Variants in RELN observed in about 807,000 individuals in gnomAD.
The protein encoded by RELN is reelin.
Under a neutral mutation model 427.6 loss-of-function variants are expected in RELN, and 108 were observed. The observed-to-expected ratio is 0.25, with a 90% confidence interval of 0.22 to 0.30. The LOEUF (loss-of-function observed/expected upper bound fraction) is 0.30. Among genes scored for constraint, RELN ranks in the 10% least tolerant of loss-of-function variants. RELN has a pLI of 1.00. For missense variants in RELN, 3,715 were observed against 4,302.8 expected, an observed-to-expected ratio of 0.86 and a Z score of 3.82; for synonymous variants, 1,524 against 1,513.4, an observed-to-expected ratio of 1.01 and a Z score of -0.16.
At chr7:103,554,683 T>C (rs967519424) in intron 38 of RELN, among the ~76,000 whole-genome samples, 2 of 152,136 alleles carry the variant, frequency 1.3e-5, no homozygotes, top group African/African-American at 4.8e-5. Flanking sequence ...GTATATAATG[T>C]ATGTGAAAGC....
intron 2 of RELN, among the ~76,000 whole-genome samples, chr7:103,893,418 T>C (rs901484862): frequency 3.9e-5 from 6 of 152,196 alleles, no homozygotes; most frequent in Non-Finnish European, 2.9e-5. Context: ...CAAAACTGCA[T>C]TGGAATATGA....
At chr7:103,681,803 A>C (rs1202783304) in intron 11 of RELN, among the ~76,000 whole-genome samples, 2 of 152,350 alleles carry the variant, frequency 1.3e-5, no homozygotes, top group Admixed American at 6.5e-5. Context: ...ATAGTAATGG[A>C]AAGATTTTGT....
chr7:103,692,230 T>C (rs1347591266), intron 10 of RELN, among the ~76,000 whole-genome samples: 1 of 152,154 alleles, frequency 6.6e-6, no homozygotes, highest in African/African-American at 2.4e-5. Flanking sequence ...CACAAAAATG[T>C]TGTATTCATT....
At chr7:103,973,493 T>C (rs1255388330) in intron 1 of RELN, among the ~76,000 whole-genome samples, 4 of 152,006 alleles carry the variant, frequency 2.6e-5, no homozygotes, top group Admixed American at 2.0e-4. Flanking sequence ...TTCATAAATA[T>C]ATTAACACAA....
intron 3 of RELN, among the ~76,000 whole-genome samples, chr7:103,828,158 CCAGA>C (rs1411688895): frequency 1.3e-5 from 2 of 151,962 alleles, no homozygotes; most frequent in Non-Finnish European, 2.9e-5. Context: ...GAAGAATTCT[CCAGA>C]CAGTCTAGAA....
chr7:103,826,657 T>G (rs1793148506), intron 3 of RELN, among the ~76,000 whole-genome samples: 1 of 152,044 alleles, frequency 6.6e-6, no homozygotes, highest in African/African-American at 2.4e-5. Flanking sequence ...AATTTCACAC[T>G]TCTAAAACTG....
At chr7:103,819,177 G>A (rs989155145) in intron 3 of RELN, among the ~76,000 whole-genome samples, 1 of 151,778 alleles carries the variant, frequency 6.6e-6, no homozygotes, top group Non-Finnish European at 1.5e-5. Context: ...AGGTAAAATT[G>A]TATTAAAACT....
intron 22 of RELN, among the ~76,000 whole-genome samples, chr7:103,608,994 G>A (rs537189013): frequency 1.3e-5 from 2 of 152,144 alleles, no homozygotes; most frequent in East Asian, 3.9e-4. Flanking sequence ...AGGTCAAGGT[G>A]GGTGGATCAC....
At chr7:103,835,954 C>CTTTTTTTTTTTTT (rs10569884) in intron 2 of RELN, among the ~76,000 whole-genome samples, 8 of 142,394 alleles carry the variant, frequency 5.6e-5, no homozygotes, top group Admixed American at 1.4e-4. Context: ...CTCAATTACC[C>CTTTTTTTTTTTTT]TTTTTTTTTT....
intron 64 of RELN, among the ~76,000 whole-genome samples, chr7:103,477,781 A>G (rs1828087290): frequency 6.6e-6 from 1 of 152,228 alleles, no homozygotes; most frequent in African/African-American, 2.4e-5. Flanking sequence ...GCCTTCTTAA[A>G]TTTTAAAGAA....
chr7:103,792,059 C>T (rs188945050), intron 3 of RELN, among the ~76,000 whole-genome samples: 4 of 152,130 alleles, frequency 2.6e-5, no homozygotes, highest in African/African-American at 9.6e-5. Flanking sequence ...AAAAGATAGA[C>T]AATAATAAGT....
chr7:103,678,958 G>A (rs1333428472), intron 11 of RELN, among the ~76,000 whole-genome samples: 1 of 152,138 alleles, frequency 6.6e-6, no homozygotes, highest in East Asian at 1.9e-4. Flanking sequence ...AGAGAAAACA[G>A]AACGCATCAA....
chr7:103,853,822 A>G (rs1793880514), intron 2 of RELN, among the ~76,000 whole-genome samples: 1 of 152,094 alleles, frequency 6.6e-6, no homozygotes, highest in Non-Finnish European at 1.5e-5. Flanking sequence ...GCATGATAAA[A>G]AAGTTTACTA....
intron 24 of RELN, among the ~76,000 whole-genome samples, chr7:103,602,384 ATGTTTACTGCGGCAC>A (rs1395300545): frequency 6.6e-6 from 1 of 152,230 alleles, no homozygotes; most frequent in Non-Finnish European, 1.5e-5. Context: ...ATGCACACGT[ATGTTTACTGCGGCAC>A]TGTTCACAAT....
intron 3 of RELN, among the ~76,000 whole-genome samples, chr7:103,816,378 C>CA (rs1009890657): frequency 2.6e-5 from 4 of 151,010 alleles, no homozygotes; most frequent in African/African-American, 4.9e-5. Context: ...GGTTCCATCT[C>CA]AAAAAAAAGA....
intron 2 of RELN, among the ~76,000 whole-genome samples, chr7:103,848,203 C>G (rs1001594918): frequency 6.6e-6 from 1 of 152,154 alleles, no homozygotes; most frequent in African/African-American, 2.4e-5. Flanking sequence ...CGTGGGTGAT[C>G]TCCAGATCAT....
intron 20 of RELN, among the ~76,000 whole-genome samples, chr7:103,617,060 A>G (rs540603518): frequency 2.0e-5 from 3 of 152,276 alleles, no homozygotes; most frequent in African/African-American, 4.8e-5. Context: ...CTACTTGTCA[A>G]TACTGAACTT....
At chr7:103,702,644 G>T (rs558042942) in intron 8 of RELN, among the ~76,000 whole-genome samples, 2 of 152,146 alleles carry the variant, frequency 1.3e-5, no homozygotes, top group South Asian at 4.1e-4. Context: ...AAACAAAAAC[G>T]CACCCAGCAG....
intron 4 of RELN, among the ~76,000 whole-genome samples, chr7:103,761,414 C>CA (rs1791295292): frequency 6.6e-6 from 1 of 152,068 alleles, no homozygotes; most frequent in Non-Finnish European, 1.5e-5. Context: ...AATCAGAATG[C>CA]AAAACAATAT....
Sources: gnomAD v4.1 joint callset for allele counts (sites outside exome capture counted in the v4.1 genomes callset) on GRCh38, gnomAD v4.1.1 for gene constraint, MANE v1.5 for transcripts, NCBI Gene and HGNC (gene_info 2026-07-23, HGNC 2026-07-21) for gene names.